The following SP140 variants were observed in gnomAD, a reference collection of about 807,000 sequenced individuals.
SP140 encodes the protein SP140 nuclear body protein, also known as nuclear body protein SP140.
In SP140, 81 loss-of-function variants were observed where a neutral mutation model predicts 125.0. That is an observed-to-expected ratio of 0.65 (90% CI 0.54 to 0.78). SP140 has a LOEUF of 0.78. Ranked by LOEUF, SP140 falls within the 30% of genes least tolerant of loss-of-function variation. The pLI is 0.00. For missense variants in SP140, 858 were observed against 1,037.0 expected (o/e 0.83, Z 2.37); for synonymous variants, 312 against 354.0 (o/e 0.88, Z 1.33).
intron 12 of SP140, among the ~76,000 whole-genome samples, chr2:230,259,085 A>G (rs1223073960): frequency 2.0e-5 from 3 of 146,712 alleles, no homozygotes; most frequent in Non-Finnish European, 4.4e-5. Context: ...CTGTTTGTTT[A>G]TTTATTTATT....
intron 15 of SP140, 93 bp from the exon 16 acceptor site, chr2:230,284,252 TA>T: frequency 1.6e-6 from 2 of 1,263,614 alleles, no homozygotes; most frequent in Non-Finnish European, 2.2e-6. Context: ...CGGACCAAAG[TA>T]TGAAAAAAAA....
the SP140 span, among the ~76,000 whole-genome samples, chr2:230,193,494 A>G: frequency 6.6e-6 from 1 of 152,166 alleles, no homozygotes; most frequent in African/African-American, 2.4e-5. Context: ...GGTGCATATC[A>G]ATCTTTCGTT....
upstream of SP140, chr2:230,225,504 A>G (rs547212256): frequency 7.9e-6 from 3 of 381,194 alleles, no homozygotes; most frequent in East Asian, 2.0e-4. Context: ...ACAAATACAG[A>G]GTTTACTTCC....
chr2:230,294,873 A>G (rs1221472989), intron 21 of SP140, among the ~76,000 whole-genome samples: 1 of 152,244 alleles, frequency 6.6e-6, no homozygotes, highest in African/African-American at 2.4e-5. Flanking sequence ...AAAAAAATGT[A>G]CACACAGACA....
Position 230,237,291 on chromosome 2 carries a change from C to T in SP140, c.237+31C>T. 6.3e-7 allele frequency: 1 copy of T among 1,592,362 alleles called. No homozygotes were observed. Among genetic ancestry groups the T allele is most frequent in the Non-Finnish European group, 8.6e-7 (1 of 1,166,766 alleles). ...TAAGAATTTCCAAATGATGATAAAC[C>T]AGGTCCATACTCAATTATGCCAAAC... On this transcript the variant is annotated intron_variant, in intron 2 of 26. Transcript: ENST00000392045. The surrounding 1 kb of genome is among the most constrained non-coding windows in gnomAD (Gnocchi z 5.4).
chr2:230,297,954 G>A (rs2057911728), intron 22 of SP140, among the ~76,000 whole-genome samples: 1 of 152,242 alleles, frequency 6.6e-6, no homozygotes, highest in African/African-American at 2.4e-5. Context: ...TGTTCCAGGT[G>A]TTGATCCTGT....
chr2:230,253,693 G>C (rs1246959570), intron 11 of SP140, among the ~76,000 whole-genome samples: 1 of 152,208 alleles, frequency 6.6e-6, no homozygotes, highest in African/African-American at 2.4e-5. Context: ...CAGAGAAGAA[G>C]TTCCTGGGTG....
chr2:230,212,408 G>T lies in SP140; in HGVS notation c.-322-1246G>T, dbSNP rs924979092. On this transcript the variant is annotated intron_variant, in intron 1 of 4. Coordinates refer to the SP140 transcript ENST00000456542. ...CTGAGTCTTCTTCCGCATTCATTTT[G>T]GATGTTAACTTGTCATTGGTCACTG... 1.9e-6 allele frequency: 3 copies of T among 1,611,940 alleles called. No homozygotes were observed. The African/African-American group carries it at 4.0e-5, about 22-fold the overall frequency.
At chr2:230,307,889 CGTAA>C (rs1260444816) in intron 22 of SP140, among the ~76,000 whole-genome samples, 1 of 147,672 alleles carries the variant, frequency 6.8e-6, no homozygotes, top group East Asian at 2.0e-4. Flanking sequence ...CCAAGGATTC[CGTAA>C]CACTACTGGG....
intron 3 of SP140, among the ~76,000 whole-genome samples, chr2:230,240,504 C>T (rs767950261): frequency 1.3e-5 from 2 of 152,048 alleles, no homozygotes; most frequent in Non-Finnish European, 2.9e-5. Context: ...AATGGACAAA[C>T]GATTTGAACA....
At chr2:230,202,095 A>G (rs1202246677), upstream of SP140, among the ~76,000 whole-genome samples, 1 of 152,216 alleles carries the variant, frequency 6.6e-6, no homozygotes. Context: ...CAAACATAAA[A>G]TGATGTCACT....
At chr2:230,279,635 C>T (rs980197402) in intron 15 of SP140, among the ~76,000 whole-genome samples, 1 of 152,172 alleles carries the variant, frequency 6.6e-6, no homozygotes, top group Non-Finnish European at 1.5e-5. Context: ...AAAACAAATT[C>T]ATCACCTTAA....
At chr2:230,230,087 G>T (rs913905629) in intron 1 of SP140, among the ~76,000 whole-genome samples, 1 of 152,166 alleles carries the variant, frequency 6.6e-6, no homozygotes, top group African/African-American at 2.4e-5. Flanking sequence ...AGTTGCAGGA[G>T]AGAGAGAATT....
At chr2:230,296,201 A>C (rs146798462) in intron 21 of SP140, among the ~76,000 whole-genome samples, 10 of 152,352 alleles carry the variant, frequency 6.6e-5, no homozygotes, top group Admixed American at 1.3e-4. Flanking sequence ...TGATTTCATC[A>C]TAGCACTCCA....
intron 12 of SP140, among the ~76,000 whole-genome samples, chr2:230,263,016 ACTTT>A (rs1242257474): frequency 2.0e-5 from 3 of 152,100 alleles, no homozygotes; most frequent in Admixed American, 1.3e-4. Context: ...TTCATTGTTG[ACTTT>A]CTTTCTTGAT....
chr2:230,290,568 G>T lies in SP140; in HGVS notation c.1825+4G>T. The T allele has an allele frequency of 6.2e-7, 1 of 1,604,146 alleles. No homozygotes were observed. The highest frequency in any genetic ancestry group is 8.5e-7 in the Non-Finnish European group (1 of 1,172,974). ...CATAAGAAGAAATTGCAGCAAGGTAGGTTTTATGGTCTTCTTTAATTTGCA... is the reference window on the plus strand; with the variant it reads ...CATAAGAAGAAATTGCAGCAAGGTATGTTTTATGGTCTTCTTTAATTTGCA... On this transcript the variant is annotated splice_donor_region_variant and intron_variant, in intron 19 of 26. Coordinates refer to ENST00000392045, the MANE Select transcript of SP140 (RefSeq NM_007237.5).
At chr2:230,293,050 C>T (rs2057308911) in intron 20 of SP140, among the ~76,000 whole-genome samples, 1 of 152,114 alleles carries the variant, frequency 6.6e-6, no homozygotes, top group Admixed American at 6.5e-5. Flanking sequence ...ATGCAGACAG[C>T]TTTGTGCACT....
chr2:230,299,996 C>G (rs2058137749), intron 22 of SP140, among the ~76,000 whole-genome samples: 1 of 152,150 alleles, frequency 6.6e-6, no homozygotes, highest in South Asian at 2.1e-4. Context: ...CCTAACCCTG[C>G]CCCCAGCTGA....
At chr2:230,186,222 T>A in the SP140 span, 2 of 1,369,356 alleles carry the variant, frequency 1.5e-6, no homozygotes, top group Non-Finnish European at 2.1e-6. Context: ...GGAGTTATCT[T>A]GCCATTTCTC....
Sources: gnomAD v4.1 joint callset for allele counts (sites outside exome capture counted in the v4.1 genomes callset) on GRCh38, gnomAD v4.1.1 for gene constraint, Gnocchi (gnomAD v3.1) non-coding constraint, MANE v1.5 for transcripts, NCBI Gene and HGNC (gene_info 2026-07-23, HGNC 2026-07-21) for gene names.